SDK1: variants seen among roughly 807,000 people sequenced by gnomAD.
SDK1 encodes sidekick cell adhesion molecule 1.
SDK1 carries 157 observed loss-of-function variants against 245.5 expected under a neutral mutation model. The ratio of observed to expected loss-of-function variants is 0.64; its 90% CI spans 0.56 to 0.73. The LOEUF (loss-of-function observed/expected upper bound fraction) is 0.73, where lower values mean the gene tolerates loss of function less well. Among genes scored for constraint, SDK1 ranks in the 30% least tolerant of loss-of-function variants. The pLI is 0.00. For missense variants in SDK1, 3,583 were observed against 3,002.3 expected, an observed-to-expected ratio of 1.19 and a Z score of -4.52; for synonymous variants, 1,647 against 1,278.5, an observed-to-expected ratio of 1.29 and a Z score of -6.15.
intron 4 of SDK1, among the ~76,000 whole-genome samples, chr7:3,651,326 T>G (rs944528134): frequency 2.0e-5 from 3 of 152,140 alleles, no homozygotes; most frequent in Non-Finnish European, 4.4e-5. Flanking sequence ...ACTTCTCTAA[T>G]GGCTAATGAT....
Position 3,883,269 on chromosome 7 carries a change from G to A in SDK1, c.847+61686G>A, listed in dbSNP as rs943819682. 2.6e-5 allele frequency among the ~76,000 whole-genome samples: 4 copies of A among 152,144 alleles called. No homozygotes were observed. In the East Asian group the frequency reaches 5.8e-4, roughly 22 times the overall value. The stretch of plus-strand genomic sequence containing the variant: ...CTAGGATTTGTTAGGGGGAAAAGAG[G>A]TTTCTTAAAAGCTTAAGGCCTTGTA... On this transcript the variant is annotated intron_variant, in intron 5 of 44. Coordinates refer to ENST00000404826, the MANE Select transcript of SDK1 (RefSeq NM_152744.4).
intron 1 of SDK1, among the ~76,000 whole-genome samples, chr7:3,474,329 CGTT>C (rs1352513610): frequency 6.6e-6 from 1 of 151,614 alleles, no homozygotes; most frequent in Non-Finnish European, 1.5e-5. Flanking sequence ...CTCTTGACCT[CGTT>C]GTCCGCCTGC....
intron 38 of SDK1, among the ~76,000 whole-genome samples, chr7:4,212,182 TAAA>T (rs906693571): frequency 7.2e-5 from 11 of 152,258 alleles, no homozygotes; most frequent in African/African-American, 2.7e-4. Flanking sequence ...AAAGCCGTGA[TAAA>T]AGTTTCCTTT....
At chr7:3,675,025 C>G (rs544934980) in intron 4 of SDK1, among the ~76,000 whole-genome samples, 3 of 152,298 alleles carry the variant, frequency 2.0e-5, no homozygotes, top group African/African-American at 7.2e-5. Context: ...GCATCAAATT[C>G]TGTACATGGG....
chr7:4,063,729 C>G (rs569872576), intron 19 of SDK1, among the ~76,000 whole-genome samples: 4 of 152,054 alleles, frequency 2.6e-5, no homozygotes, highest in African/African-American at 7.2e-5. Flanking sequence ...TATGACAAGT[C>G]TATAATAACC....
At chr7:3,556,899 C>A (rs1002689289) in intron 1 of SDK1, among the ~76,000 whole-genome samples, 1 of 152,086 alleles carries the variant, frequency 6.6e-6, no homozygotes, top group African/African-American at 2.4e-5. Flanking sequence ...CCCGTTTACC[C>A]TGATGTGATT....
intron 42 of SDK1, among the ~76,000 whole-genome samples, chr7:4,238,115 T>C (rs1157243661): frequency 6.6e-6 from 1 of 152,010 alleles, no homozygotes; most frequent in African/African-American, 2.4e-5. Flanking sequence ...AGTCTCACTC[T>C]GTCACCCAGG....
intron 7 of SDK1, among the ~76,000 whole-genome samples, chr7:3,954,002 A>G (rs997420965): frequency 6.6e-6 from 1 of 152,246 alleles, no homozygotes; most frequent in East Asian, 1.9e-4. Flanking sequence ...GTCACCATGT[A>G]CCTGTCAAAA....
At chr7:3,536,613 G>C (rs992298665) in intron 1 of SDK1, among the ~76,000 whole-genome samples, 1 of 151,856 alleles carries the variant, frequency 6.6e-6, no homozygotes, top group African/African-American at 2.4e-5. Flanking sequence ...AGAATTGCTC[G>C]AACGTGGGAG....
intron 38 of SDK1, among the ~76,000 whole-genome samples, chr7:4,213,457 T>C (rs997724312): frequency 3.3e-5 from 5 of 151,288 alleles, no homozygotes; most frequent in African/African-American, 1.2e-4. Flanking sequence ...TGGTGGCATG[T>C]GCCTGTAGTC....
At chr7:3,846,592 A>G (rs939357811) in intron 5 of SDK1, among the ~76,000 whole-genome samples, 1 of 152,138 alleles carries the variant, frequency 6.6e-6, no homozygotes, top group African/African-American at 2.4e-5. Flanking sequence ...CTCTCTAAAC[A>G]TATGTATGTG....
At chr7:3,872,006 G>A (rs1780968024) in intron 5 of SDK1, among the ~76,000 whole-genome samples, 1 of 152,148 alleles carries the variant, frequency 6.6e-6, no homozygotes, top group Non-Finnish European at 1.5e-5. Context: ...GGGAGTTTTT[G>A]TTATGAACTT....
At chr7:3,701,983 C>G (rs1194511527) in intron 4 of SDK1, among the ~76,000 whole-genome samples, 3 of 145,212 alleles carry the variant, frequency 2.1e-5, no homozygotes, top group Non-Finnish European at 4.5e-5. Flanking sequence ...ACACCCTAAT[C>G]TTTATATAAA....
At chr7:3,958,889 C>T in intron 7 of SDK1, 42 bp from the exon 8 acceptor site, 1 of 1,483,312 alleles carries the variant, frequency 6.7e-7, no homozygotes, top group Middle Eastern at 1.7e-4. Context: ...CTGACATATC[C>T]TTCTTTGGCT....
intron 22 of SDK1, among the ~76,000 whole-genome samples, chr7:4,107,504 C>T (rs1341296780): frequency 3.4e-5 from 5 of 147,190 alleles, no homozygotes; most frequent in Non-Finnish European, 1.5e-5. Flanking sequence ...TTTTTTTAAA[C>T]AAACAAAACG....
intron 22 of SDK1, among the ~76,000 whole-genome samples, chr7:4,103,353 T>A (rs1782697983): frequency 6.6e-6 from 1 of 152,212 alleles, no homozygotes; most frequent in Non-Finnish European, 1.5e-5. Flanking sequence ...TCCCTCTACA[T>A]CAGCACATTG....
At chr7:3,310,943 G>A in intron 1 of SDK1, among the ~76,000 whole-genome samples, 1 of 152,132 alleles carries the variant, frequency 6.6e-6, no homozygotes, top group Admixed American at 6.5e-5. Flanking sequence ...TATGATTGTA[G>A]GTAAGGTGTT....
intron 5 of SDK1, among the ~76,000 whole-genome samples, chr7:3,944,756 G>T (rs1027906003): frequency 2.0e-5 from 3 of 152,164 alleles, no homozygotes; most frequent in African/African-American, 7.2e-5. Context: ...AGGAAGAGAC[G>T]TAGGTCCACA....
chr7:3,346,117 C>T (rs1220167387), intron 1 of SDK1, among the ~76,000 whole-genome samples: 1 of 152,216 alleles, frequency 6.6e-6, no homozygotes, highest in Non-Finnish European at 1.5e-5. Context: ...GCATCCTCTT[C>T]TGCTTAAAAT....
Sources: gnomAD v4.1 joint callset for allele counts (sites outside exome capture counted in the v4.1 genomes callset) on GRCh38, gnomAD v4.1.1 for gene constraint, MANE v1.5 for transcripts, NCBI Gene and HGNC (gene_info 2026-07-23, HGNC 2026-07-21) for gene names.